CD276: variants seen among roughly 807,000 people sequenced by gnomAD.
CD276 encodes the protein CD276 antigen.
Under a neutral mutation model 50.0 loss-of-function variants are expected in CD276, and 34 were observed. The observed-to-expected ratio is 0.68, with a 90% confidence interval of 0.52 to 0.91. The LOEUF (loss-of-function observed/expected upper bound fraction) is 0.91. CD276 is among the 40% of genes least tolerant of loss of function. The pLI, the probability that CD276 is intolerant of heterozygous loss-of-function variation, is 0.00. For missense variants in CD276, 634 were observed against 717.5 expected (o/e 0.88, Z 1.33); for synonymous variants, 275 against 313.0 (o/e 0.88, Z 1.28).
In CD276 at chr15:73,704,532, C is replaced by T; in HGVS notation, c.1369+60C>T. 4 of 1,541,354 alleles carry T rather than the reference C, an allele frequency of 2.6e-6. No homozygotes were observed. The highest frequency in any genetic ancestry group is 3.5e-6 in the Non-Finnish European group (4 of 1,141,232). On this transcript the variant is annotated intron_variant, in intron 6 of 9. Transcript: ENST00000318443. The surrounding 1 kb of genome is among the most constrained non-coding windows in gnomAD (Gnocchi z 4.1). ...CGAGTAACTCCCTCTTTACTGGACC[C>T]TAACGTGGAATTTCCATAGGTTTGG...
rs772576905 is a variant in CD276, at chr15:73,712,971, G to A, written c.*15G>A. 1.2e-6 allele frequency: 2 copies of A among 1,613,484 alleles called. No individual in the cohort carries two copies. Among genetic ancestry groups the A allele is most frequent in the Non-Finnish European group, 1.7e-6 (2 of 1,179,548 alleles). ...AAATAGCCTGACCATGAGGACCAGG[G>A]AGCTGCTACCCCTCCCTACAGCTCC... On this transcript the variant is annotated 3_prime_UTR_variant, in exon 10 of 10. Transcript: ENST00000318443.
In CD276 at chr15:73,702,112, C is replaced by T. The variant is rs533573110; in HGVS notation, c.80-143C>T. The T allele has an allele frequency of 3.4e-5, 23 of 670,758 alleles. No individual in the cohort carries two copies. The East Asian group carries it at 6.0e-4, about 18-fold the overall frequency. 41.6% of individuals were successfully genotyped at this position (670,758 alleles called of 1,614,324 possible). On this transcript the variant is annotated intron_variant, in intron 2 of 9. Transcript: ENST00000318443. ...GACTATATTCTTGACTGAATGAGGT[C>T]CTAAGACAATAAATTACTTTGGGTC...
intron 1 of CD276, chr15:73,697,509 T>C (rs1463042384): frequency 1.3e-5 from 2 of 152,164 alleles, no homozygotes; most frequent in Non-Finnish European, 2.9e-5. Context: ...TGGACTCTTT[T>C]TGGCTGTGCT....
chr15:73,690,232 T>C (rs536258576), intron 1 of CD276, among the ~76,000 whole-genome samples: 56 of 152,336 alleles, frequency 3.7e-4, no homozygotes, highest in African/African-American at 1.3e-3. Context: ...ATTGCTAGAA[T>C]TAAGGATGCA....
rs376505129 is a variant in CD276, at chr15:73,702,568, C to T, written c.393C>T (p.Ser131=). ...TCFVSIRDFG[S]AAVSLQVAAP... is the part of the protein sequence containing the mutation. ...TCGTGAGCATCCGGGATTTCGGCAG[C>T]GCTGCCGTCAGCCTGCAGGTGGCCG... Residue 131 remains serine, a synonymous_variant, in exon 3 of 10, where the codon AGC becomes AGT. Coordinates refer to ENST00000318443, the MANE Select transcript of CD276 (RefSeq NM_001024736.2). The T allele has an allele frequency of 1.9e-4, 307 of 1,608,860 alleles. 2 individuals are homozygous for T. The highest frequency in any genetic ancestry group is 1.3e-3 in the South Asian group (119 of 90,888).
chr15:73,711,003 G>T, intron 8 of CD276, 132 bp from the exon 9 acceptor site: 1 of 841,254 alleles, frequency 1.2e-6, no homozygotes, highest in South Asian at 1.5e-5. Flanking sequence ...CCCTTCCCTT[G>T]TGCTATGAAG....
chr15:73,684,362 C>G (rs1899648890), upstream of CD276: 1 of 151,746 alleles, frequency 6.6e-6, no homozygotes, highest in Admixed American at 6.6e-5. Context: ...CCTCGGACTC[C>G]CCGGGCCGCC....
rs773169070 is a variant in CD276, at chr15:73,702,743, C to A, written c.419-29C>A. The stretch of plus-strand genomic sequence containing the variant: ...TTTTCGTCCTCTGCCATTGCCCTGC[C>A]CTTGACCCCTGCCCTCTGTCACCTC... On this transcript the variant is annotated intron_variant, in intron 3 of 9. Coordinates refer to ENST00000318443, the MANE Select transcript of CD276 (RefSeq NM_001024736.2). 3.1e-6 allele frequency: 5 copies of A among 1,598,504 alleles called. No individual in the cohort carries two copies. In the South Asian group the frequency reaches 4.5e-5, roughly 14 times the overall value.
chr15:73,690,625 C>T (rs1899951719), intron 1 of CD276: 2 of 451,646 alleles, frequency 4.4e-6, no homozygotes, highest in Non-Finnish European at 4.5e-6. Flanking sequence ...TTATCAGGAG[C>T]CCACTTTTCC....
Position 73,695,094 on chromosome 15 carries a change from C to G in CD276, c.-54-4492C>G, listed in dbSNP as rs528347126. Among the ~76,000 whole-genome samples, 43 of 152,352 alleles carry G rather than the reference C, an allele frequency of 2.8e-4. 2 individuals are homozygous for G. The South Asian group carries it at 7.0e-3, about 25-fold the overall frequency. The stretch of plus-strand genomic sequence containing the variant: ...GTCACTTTGTGCATTTCAGTGGGAA[C>G]TGTGTGGCTGTGAACTGGTTAAGCC... On this transcript the variant is annotated intron_variant, in intron 1 of 9. Coordinates refer to ENST00000318443, the MANE Select transcript of CD276 (RefSeq NM_001024736.2).
intron 6 of CD276, among the ~76,000 whole-genome samples, chr15:73,705,433 G>A (rs964872021): frequency 6.6e-6 from 1 of 152,020 alleles, no homozygotes; most frequent in African/African-American, 2.4e-5. Flanking sequence ...TGACAAGCTC[G>A]GAGCCAGGGC....
In CD276 at chr15:73,708,483, T is replaced by G; in HGVS notation, c.1504+10T>G. ...GAGGAGGAGAATGCAGGTGAGTGTG[T>G]GTGTATGTGTGTGCGTGCGCATGCA... On this transcript the variant is annotated intron_variant, in intron 7 of 9. Coordinates refer to ENST00000318443, the MANE Select transcript of CD276 (RefSeq NM_001024736.2). The G allele has an allele frequency of 6.2e-7, 1 of 1,610,396 alleles. No homozygotes were observed. The highest frequency in any genetic ancestry group is 8.5e-7 in the Non-Finnish European group (1 of 1,178,010).
At chr15:73,685,497 C>G (rs1480454410) in intron 1 of CD276, among the ~76,000 whole-genome samples, 34 of 103,862 alleles carry the variant, frequency 3.3e-4, no homozygotes, top group East Asian at 2.5e-3. Context: ...GTGTGTGTGG[C>G]GGGTGGGGGG....
intron 1 of CD276, among the ~76,000 whole-genome samples, chr15:73,692,047 T>C (rs998615708): frequency 5.3e-5 from 8 of 152,184 alleles, no homozygotes; most frequent in Non-Finnish European, 1.0e-4. Flanking sequence ...AGTCCCCATC[T>C]ACGTCCCTCA....
intron 1 of CD276, among the ~76,000 whole-genome samples, chr15:73,691,941 C>T (rs926700822): frequency 2.0e-5 from 3 of 152,130 alleles, no homozygotes; most frequent in African/African-American, 7.2e-5. Context: ...CTCTGAGAAG[C>T]TGTCAGGGAT....
intron 1 of CD276, among the ~76,000 whole-genome samples, chr15:73,696,276 T>C (rs1023061283): frequency 5.3e-5 from 8 of 151,084 alleles, no homozygotes; most frequent in Non-Finnish European, 1.5e-5. Context: ...AAAACATGGG[T>C]GGAGGGGGTG....
chr15:73,695,180 C>T (rs1360221967), intron 1 of CD276, among the ~76,000 whole-genome samples: 1 of 152,162 alleles, frequency 6.6e-6, no homozygotes, highest in Admixed American at 6.5e-5. Flanking sequence ...ATCCACAAAG[C>T]TTTTCTTTTA....
rs1900882805 is a variant in CD276, at chr15:73,711,123, C to T, written c.1547-12C>T. Reference sequence around the variant, plus strand: ...TTCCTCCCTCACCGTGTGCGCCTTCCTTTTTTTACAGCCCTGCAGCCTCTG... The same window carrying T: ...TTCCTCCCTCACCGTGTGCGCCTTCTTTTTTTTACAGCCCTGCAGCCTCTG... On this transcript the variant is annotated splice_polypyrimidine_tract_variant and intron_variant, in intron 8 of 9. Coordinates refer to ENST00000318443, the MANE Select transcript of CD276 (RefSeq NM_001024736.2). 2.5e-6 allele frequency: 4 copies of T among 1,613,918 alleles called. No homozygotes were observed. The East Asian group carries it at 8.9e-5, about 36-fold the overall frequency.
chr15:73,697,868 T>C (rs1900235204), intron 1 of CD276, among the ~76,000 whole-genome samples: 1 of 152,174 alleles, frequency 6.6e-6, no homozygotes. Flanking sequence ...CACCCAGCCA[T>C]GGGCTTTAAT....
Sources: allele counts gnomAD v4.1 joint callset (sites outside exome capture counted in the v4.1 genomes callset), GRCh38; gene constraint gnomAD v4.1.1; non-coding constraint Gnocchi (gnomAD v3.1); transcripts MANE v1.5; gene names NCBI Gene and HGNC (gene_info 2026-07-23, HGNC 2026-07-21).